Variants in RPH3A observed in about 807,000 individuals in gnomAD.
The protein encoded by RPH3A is rabphilin 3A, also known as rabphilin-3A.
Under a neutral mutation model 102.2 loss-of-function variants are expected in RPH3A, and 48 were observed. That is an observed-to-expected ratio of 0.47 (90% confidence interval 0.37 to 0.60). The LOEUF (loss-of-function observed/expected upper bound fraction) is 0.60, where lower values mean the gene tolerates loss of function less well. Among genes scored for constraint, RPH3A ranks in the 20% least tolerant of loss-of-function variants. The pLI, the probability that RPH3A is intolerant of heterozygous loss-of-function variation, is 0.00. For missense variants in RPH3A, 781 were observed against 910.1 expected (o/e 0.86, Z 1.83); for synonymous variants, 310 against 324.3 (o/e 0.96, Z 0.47).
chr12:112,824,789 G>A (rs1056770110), intron 2 of RPH3A, among the ~76,000 whole-genome samples: 1 of 152,276 alleles, frequency 6.6e-6, no homozygotes, highest in East Asian at 1.9e-4. Flanking sequence ...AGACTTTGCA[G>A]GTGGAATTTT....
intron 1 of RPH3A, among the ~76,000 whole-genome samples, chr12:112,657,005 G>T (rs964551502): frequency 6.6e-6 from 1 of 151,908 alleles, no homozygotes; most frequent in Non-Finnish European, 1.5e-5. Context: ...CTTATTTTTG[G>T]TTCTTTGATA....
intron 1 of RPH3A, among the ~76,000 whole-genome samples, chr12:112,765,374 T>G (rs149951095): frequency 0.014 from 2,102 of 152,120 alleles, 49 homozygotes; most frequent in African/African-American, 0.048. Flanking sequence ...AAGAGACTTG[T>G]GAGTTATTTT....
chr12:112,794,982 A>G (rs1356941064), intron 2 of RPH3A, among the ~76,000 whole-genome samples: 1 of 152,310 alleles, frequency 6.6e-6, no homozygotes. Context: ...GAGGCAGCAG[A>G]CAGAGATTCT....
chr12:112,890,440 G>T (rs1185681675), intron 18 of RPH3A, among the ~76,000 whole-genome samples: 1 of 152,218 alleles, frequency 6.6e-6, no homozygotes, highest in Non-Finnish European at 1.5e-5. Context: ...CATGCTGTCT[G>T]CCTGGGTCCC....
intron 2 of RPH3A, among the ~76,000 whole-genome samples, chr12:112,813,589 C>T (rs1417919380): frequency 2.4e-4 from 36 of 152,184 alleles, no homozygotes; most frequent in Non-Finnish European, 5.9e-5. Flanking sequence ...CTTCCTGTGA[C>T]TAGAGACTGT....
chr12:112,744,102 G>T (rs989681762), intron 1 of RPH3A, among the ~76,000 whole-genome samples: 3 of 152,162 alleles, frequency 2.0e-5, no homozygotes, highest in African/African-American at 7.2e-5. Flanking sequence ...CCAAGACAGA[G>T]TCTTGCTCTG....
At chr12:112,878,716 C>A (rs1231039177) in intron 13 of RPH3A, among the ~76,000 whole-genome samples, 1 of 152,188 alleles carries the variant, frequency 6.6e-6, no homozygotes, top group Non-Finnish European at 1.5e-5. Context: ...ATGTAAGGAT[C>A]TAGAGGGAGA....
chr12:112,681,626 T>C (rs1055783935), intron 1 of RPH3A, among the ~76,000 whole-genome samples: 15 of 152,248 alleles, frequency 9.9e-5, no homozygotes, highest in Non-Finnish European at 1.5e-4. Flanking sequence ...ACAGGAATTA[T>C]GTTAATTTTC....
chr12:112,837,048 T>C, intron 4 of RPH3A, among the ~76,000 whole-genome samples: 1 of 152,212 alleles, frequency 6.6e-6, no homozygotes. Flanking sequence ...TTCCTAAATA[T>C]GCATGACAGA....
chr12:112,606,332 T>C (rs990818557), intron 1 of RPH3A, among the ~76,000 whole-genome samples: 3 of 152,208 alleles, frequency 2.0e-5, no homozygotes, highest in African/African-American at 7.2e-5. Flanking sequence ...TCATATGCTA[T>C]AAAGAACTAC....
intron 1 of RPH3A, among the ~76,000 whole-genome samples, chr12:112,691,247 C>T (rs1226887103): frequency 1.3e-5 from 2 of 152,080 alleles, no homozygotes; most frequent in Non-Finnish European, 2.9e-5. Context: ...CTCCTGACCT[C>T]GTGATCCGCC....
chr12:112,758,007 T>C (rs1231801864), intron 1 of RPH3A, among the ~76,000 whole-genome samples: 3 of 152,196 alleles, frequency 2.0e-5, no homozygotes, highest in Non-Finnish European at 4.4e-5. Context: ...GTATCACTCA[T>C]AGAAATGGCC....
rs185907846 is a variant in RPH3A, at chr12:112,807,314, C to T, written c.-19+15051C>T. 2.0e-3 allele frequency among the ~76,000 whole-genome samples: 305 copies of T among 152,266 alleles called. 1 individual carries two copies. Among genetic ancestry groups the T allele is most frequent in the Non-Finnish European group, 3.1e-3 (208 of 68,022 alleles). Reference sequence around the variant, plus strand: ...CTGCATTTACAGGCTGAGCCCTCCACCCTCCACTCCTCTTCACAGCACCAA... The same window carrying T: ...CTGCATTTACAGGCTGAGCCCTCCATCCTCCACTCCTCTTCACAGCACCAA... On this transcript the variant is annotated intron_variant, in intron 2 of 21. Coordinates refer to ENST00000389385, the MANE Select transcript of RPH3A (RefSeq NM_001143854.2).
intron 1 of RPH3A, among the ~76,000 whole-genome samples, chr12:112,690,624 T>C (rs1036546095): frequency 1.2e-4 from 19 of 152,084 alleles, no homozygotes; most frequent in African/African-American, 4.6e-4. Context: ...AACACACCTA[T>C]TAGAACATAG....
chr12:112,859,040 G>A (rs2042463893), intron 5 of RPH3A, among the ~76,000 whole-genome samples: 1 of 152,206 alleles, frequency 6.6e-6, no homozygotes, highest in Non-Finnish European at 1.5e-5. Context: ...ACAGGGTTCA[G>A]CTAATTGGGC....
At chr12:112,666,237 C>G (rs932772798) in intron 1 of RPH3A, among the ~76,000 whole-genome samples, 5 of 152,106 alleles carry the variant, frequency 3.3e-5, no homozygotes, top group African/African-American at 1.2e-4. Context: ...TAGCTTATGT[C>G]TTTTTTCCTC....
At chr12:112,668,135 C>T (rs2040100726) in intron 1 of RPH3A, among the ~76,000 whole-genome samples, 1 of 152,160 alleles carries the variant, frequency 6.6e-6, no homozygotes, top group African/African-American at 2.4e-5. Context: ...ATTGATCTAT[C>T]TCTTCATGGC....
chr12:112,812,713 C>G (rs1279407205), intron 2 of RPH3A, among the ~76,000 whole-genome samples: 1 of 152,162 alleles, frequency 6.6e-6, no homozygotes, highest in Non-Finnish European at 1.5e-5. Context: ...CTCTCCCTCA[C>G]ATACACACAA....
chr12:112,715,232 G>C (rs145247043), intron 1 of RPH3A, among the ~76,000 whole-genome samples: 233 of 152,206 alleles, frequency 1.5e-3, no homozygotes, highest in African/African-American at 4.9e-3. Flanking sequence ...GTATTCACTT[G>C]CCTAGCTCCT....
Sources: gnomAD v4.1 joint callset for allele counts (sites outside exome capture counted in the v4.1 genomes callset) on GRCh38, gnomAD v4.1.1 for gene constraint, MANE v1.5 for transcripts, NCBI Gene and HGNC (gene_info 2026-07-23, HGNC 2026-07-21) for gene names.